Variants in PAG1 observed in about 807,000 individuals in gnomAD.
The protein encoded by PAG1 is phosphoprotein associated with glycosphingolipid-enriched microdomains 1.
A neutral mutation model predicts 31.7 loss-of-function variants in PAG1; 23 were observed. That is an observed-to-expected ratio of 0.73 (90% CI 0.52 to 1.03). The LOEUF is 1.03. Among genes scored for constraint, PAG1 ranks in the 50% least tolerant of loss-of-function variants. PAG1 has a pLI of 0.00. For synonymous variants in PAG1, 214 were observed against 210.3 expected, an observed-to-expected ratio of 1.02 and a Z score of -0.15; for missense variants, 473 against 540.7, an observed-to-expected ratio of 0.87 and a Z score of 1.24.
intron 1 of PAG1, among the ~76,000 whole-genome samples, chr8:81,104,851 A>G (rs1809667862): frequency 6.6e-6 from 1 of 152,160 alleles, no homozygotes; most frequent in Admixed American, 6.5e-5. Flanking sequence ...ACCCAGAGTG[A>G]TCATTCTAAA....
intron 2 of PAG1, among the ~76,000 whole-genome samples, chr8:81,044,427 G>A (rs532641788): frequency 1.1e-3 from 160 of 152,272 alleles, no homozygotes; most frequent in Non-Finnish European, 1.5e-3. Flanking sequence ...GCAAAGGCTG[G>A]AATTTTGCTG....
At chr8:81,049,755 T>C (rs923421614) in intron 2 of PAG1, among the ~76,000 whole-genome samples, 2 of 152,236 alleles carry the variant, frequency 1.3e-5, no homozygotes, top group African/African-American at 4.8e-5. Context: ...CAGTCTTCCA[T>C]TAAAACGACA....
chr8:80,978,871 T>G lies in PAG1; in HGVS notation c.936+1564A>C, dbSNP rs539421471. ...TATTTAGCTTCTCAATTTTTCTCTTTAAAACTTTCATCATTATTCCTCAGT... is the reference window on the plus strand; with the variant it reads ...TATTTAGCTTCTCAATTTTTCTCTTGAAAACTTTCATCATTATTCCTCAGT... On this transcript the variant is annotated intron_variant, in intron 8 of 8. Transcript: ENST00000220597. Among the ~76,000 whole-genome samples the G allele has an allele frequency of 3.3e-5, 5 of 152,360 alleles. No homozygotes were observed. In the South Asian group the frequency reaches 1.0e-3, roughly 32 times the overall value.
At chr8:81,086,724 A>T (rs1341465314) in intron 1 of PAG1, among the ~76,000 whole-genome samples, 1 of 152,174 alleles carries the variant, frequency 6.6e-6, no homozygotes, top group African/African-American at 2.4e-5. Context: ...GTAGGAAAAG[A>T]TGTTCCACCT....
chr8:81,105,135 G>A (rs1809672668), intron 1 of PAG1, among the ~76,000 whole-genome samples: 1 of 152,124 alleles, frequency 6.6e-6, no homozygotes, highest in South Asian at 2.1e-4. Context: ...AAGCCCGGCT[G>A]CGTTAGGAAA....
intron 2 of PAG1, among the ~76,000 whole-genome samples, chr8:81,037,779 T>C (rs919215182): frequency 5.3e-5 from 8 of 152,258 alleles, no homozygotes; most frequent in African/African-American, 1.4e-4. Flanking sequence ...ATTCATTCAG[T>C]CATTTGTTCA....
chr8:81,089,117 A>G (rs904721024), intron 1 of PAG1, among the ~76,000 whole-genome samples: 3 of 152,206 alleles, frequency 2.0e-5, no homozygotes, highest in Non-Finnish European at 4.4e-5. Context: ...AGAAGATACA[A>G]AACTCCTCGG....
intron 1 of PAG1, among the ~76,000 whole-genome samples, chr8:81,076,625 G>C (rs1326820995): frequency 1.3e-5 from 2 of 152,152 alleles, no homozygotes; most frequent in East Asian, 3.8e-4. Context: ...AAAACAGAAA[G>C]AGAAATCTCT....
intron 3 of PAG1, among the ~76,000 whole-genome samples, chr8:81,015,882 T>G (rs1257471846): frequency 6.6e-6 from 1 of 152,196 alleles, no homozygotes; most frequent in Non-Finnish European, 1.5e-5. Flanking sequence ...GGCTGATTTG[T>G]GACTCCCTTT....
intron 2 of PAG1, among the ~76,000 whole-genome samples, chr8:81,051,057 T>C (rs1808720027): frequency 6.6e-6 from 1 of 152,244 alleles, no homozygotes; most frequent in South Asian, 2.1e-4. Flanking sequence ...ATATGCCTCT[T>C]AATGAATGCA....
intron 1 of PAG1, among the ~76,000 whole-genome samples, chr8:81,086,114 T>C (rs1272291807): frequency 1.3e-5 from 2 of 149,630 alleles, no homozygotes; most frequent in African/African-American, 2.5e-5. Context: ...CCCGAGTAGC[T>C]GGGACTACAG....
chr8:81,040,284 T>C (rs1176038541), intron 2 of PAG1, among the ~76,000 whole-genome samples: 1 of 152,206 alleles, frequency 6.6e-6, no homozygotes, highest in Non-Finnish European at 1.5e-5. Context: ...TCTCTAAATT[T>C]AGTGGCAAGG....
intron 3 of PAG1, among the ~76,000 whole-genome samples, chr8:81,021,677 G>C (rs981245247): frequency 3.3e-5 from 5 of 151,846 alleles, no homozygotes; most frequent in African/African-American, 1.2e-4. Flanking sequence ...GAAAAGGGCA[G>C]ATGTTAATGA....
chr8:80,977,405 A>T (rs907371350), intron 8 of PAG1, among the ~76,000 whole-genome samples: 10 of 152,226 alleles, frequency 6.6e-5, no homozygotes, highest in African/African-American at 2.4e-4. Context: ...AGAACCACCA[A>T]ATCAGAACCT....
chr8:81,033,507 C>T (rs1298829336), intron 2 of PAG1, among the ~76,000 whole-genome samples: 1 of 152,136 alleles, frequency 6.6e-6, no homozygotes, highest in Non-Finnish European at 1.5e-5. Flanking sequence ...TTTCTTTTTC[C>T]ACCGAATGGA....
intron 2 of PAG1, among the ~76,000 whole-genome samples, chr8:81,068,063 A>T (rs1809035355): frequency 6.6e-6 from 1 of 152,080 alleles, no homozygotes; most frequent in Non-Finnish European, 1.5e-5. Flanking sequence ...TGTCCGGCTA[A>T]TTTTTGTATT....
chr8:81,006,237 C>T (rs558366338), intron 3 of PAG1, among the ~76,000 whole-genome samples: 1 of 152,340 alleles, frequency 6.6e-6, no homozygotes, highest in African/African-American at 2.4e-5. Flanking sequence ...GCCACCATGC[C>T]TGGCCAAGAA....
chr8:81,008,819 G>C (rs1807931363), intron 3 of PAG1, among the ~76,000 whole-genome samples: 1 of 151,902 alleles, frequency 6.6e-6, no homozygotes, highest in Admixed American at 6.6e-5. Flanking sequence ...GACTCTATGA[G>C]GTAGCAGCTG....
intron 2 of PAG1, among the ~76,000 whole-genome samples, chr8:81,038,125 G>A (rs1317797291): frequency 6.6e-6 from 1 of 152,200 alleles, no homozygotes; most frequent in Middle Eastern, 3.2e-3. Context: ...TGGGGTTGGA[G>A]GGTTGCTGCC....
Sources: allele counts gnomAD v4.1 joint callset (sites outside exome capture counted in the v4.1 genomes callset), GRCh38; gene constraint gnomAD v4.1.1; transcripts MANE v1.5; gene names NCBI Gene and HGNC (gene_info 2026-07-23, HGNC 2026-07-21).